Variants in SNTG1 observed in about 807,000 individuals in gnomAD.
SNTG1 encodes the protein gamma-1-syntrophin.
SNTG1 carries 39 observed loss-of-function variants against 74.7 expected under a neutral mutation model. That is an observed-to-expected ratio of 0.52 (90% CI 0.40 to 0.68). SNTG1 has a LOEUF of 0.68. Among genes scored for constraint, SNTG1 ranks in the 30% least tolerant of loss-of-function variants. The pLI, the probability that SNTG1 is intolerant of heterozygous loss-of-function variation, is 0.00. For synonymous variants in SNTG1, 254 were observed against 217.1 expected (o/e 1.17, Z -1.49); for missense variants, 685 against 609.5 (o/e 1.12, Z -1.30).
intron 12 of SNTG1, among the ~76,000 whole-genome samples, chr8:50,564,534 A>G (rs2094505443): frequency 2.0e-5 from 3 of 152,078 alleles, no homozygotes; most frequent in Admixed American, 2.0e-4. Context: ...TGCACGAATT[A>G]CTAAATACTC....
intron 1 of SNTG1, among the ~76,000 whole-genome samples, chr8:50,019,981 G>A (rs981579201): frequency 6.6e-6 from 1 of 152,176 alleles, no homozygotes; most frequent in Middle Eastern, 3.4e-3. Context: ...CACTAAAACA[G>A]ATGGCAATTT....
chr8:49,927,222 A>G (rs904029815), intron 1 of SNTG1, among the ~76,000 whole-genome samples: 4 of 152,200 alleles, frequency 2.6e-5, no homozygotes, highest in African/African-American at 9.6e-5. Context: ...ACATACTCTT[A>G]GCATACAATC....
At position 50,792,674 on chromosome 8, in the gene SNTG1, T is replaced by G; in HGVS notation, c.1399T>G (p.Leu467Val). The change falls in exon 19 of 19, where the codon TTG becomes GTG. Residue 467 changes from leucine to valine, a missense_variant. Leu to Val is a conservative substitution (Grantham distance 32, BLOSUM62 1). Coordinates refer to ENST00000642720, the MANE Select transcript of SNTG1 (RefSeq NM_018967.5). ...CCTGTTTCTCTTTCCCTTTCAGGAG[T>G]TGGAATTTTCTAATTTATTTGCTGT... is the stretch of plus-strand genomic sequence containing the variant. ...PDTKQIEAKE[L>V]EFSNLFAVLH... is the part of the protein sequence containing the mutation. 6.2e-7 allele frequency: 1 copy of G among 1,606,194 alleles called. No homozygotes were observed. The highest frequency in any genetic ancestry group is 1.7e-4 in the Middle Eastern group (1 of 6,012).
intron 1 of SNTG1, among the ~76,000 whole-genome samples, chr8:50,165,748 T>C (rs1187584973): frequency 6.6e-6 from 1 of 152,198 alleles, no homozygotes; most frequent in Non-Finnish European, 1.5e-5. Context: ...AAGATCGAGA[T>C]ATATGTTGAT....
chr8:50,230,372 T>C (rs2085555310), intron 2 of SNTG1, among the ~76,000 whole-genome samples: 1 of 151,152 alleles, frequency 6.6e-6, no homozygotes, highest in Admixed American at 6.6e-5. Flanking sequence ...AGAAGGGACG[T>C]CACTACAGAC....
intron 11 of SNTG1, among the ~76,000 whole-genome samples, chr8:50,537,093 C>T (rs899585632): frequency 6.6e-6 from 1 of 152,052 alleles, no homozygotes; most frequent in African/African-American, 2.4e-5. Context: ...TTGTTTACTT[C>T]TCAAGAATAT....
intron 1 of SNTG1, among the ~76,000 whole-genome samples, chr8:50,094,687 A>ACAT (rs1379028247): frequency 6.6e-6 from 1 of 152,156 alleles, no homozygotes; most frequent in African/African-American, 2.4e-5. Flanking sequence ...AATAACAGAT[A>ACAT]CATGTTGCAG....
At chr8:50,042,066 T>G (rs1818684358) in intron 1 of SNTG1, among the ~76,000 whole-genome samples, 1 of 152,232 alleles carries the variant, frequency 6.6e-6, no homozygotes, top group Admixed American at 6.5e-5. Flanking sequence ...TAAAAAACTG[T>G]GAGTGAAACC....
intron 9 of SNTG1, among the ~76,000 whole-genome samples, chr8:50,512,996 T>A (rs774464153): frequency 6.6e-6 from 1 of 152,206 alleles, no homozygotes; most frequent in Admixed American, 6.5e-5. Flanking sequence ...GTCACTCTGA[T>A]TTTTAGAGTT....
intron 1 of SNTG1, among the ~76,000 whole-genome samples, chr8:50,104,291 A>T (rs954341379): frequency 2.6e-5 from 4 of 152,122 alleles, no homozygotes; most frequent in Non-Finnish European, 4.4e-5. Context: ...TAGTCTTGGG[A>T]GGGTGTATGT....
chr8:50,135,090 T>G (rs988695542), intron 1 of SNTG1, among the ~76,000 whole-genome samples: 1 of 152,146 alleles, frequency 6.6e-6, no homozygotes, highest in African/African-American at 2.4e-5. Flanking sequence ...TTCCCTTTTC[T>G]GCACAGCTGC....
chr8:50,267,721 A>T (rs897701271), intron 2 of SNTG1, among the ~76,000 whole-genome samples: 9 of 152,200 alleles, frequency 5.9e-5, no homozygotes, highest in Non-Finnish European at 1.2e-4. Context: ...GTATCATTTG[A>T]TGCAGAAAGC....
chr8:50,156,354 C>T (rs748951523), intron 1 of SNTG1, among the ~76,000 whole-genome samples: 50 of 151,920 alleles, frequency 3.3e-4, no homozygotes, highest in East Asian at 1.2e-3. Flanking sequence ...GGATCTATAA[C>T]GCTTATGATC....
chr8:50,533,728 G>A (rs2094287342), intron 10 of SNTG1, among the ~76,000 whole-genome samples: 1 of 152,038 alleles, frequency 6.6e-6, no homozygotes, highest in Non-Finnish European at 1.5e-5. Context: ...TAACTGAAGT[G>A]GGACTTATTA....
chr8:50,078,231 C>T (rs1822078711), intron 1 of SNTG1, among the ~76,000 whole-genome samples: 1 of 152,144 alleles, frequency 6.6e-6, no homozygotes, highest in South Asian at 2.1e-4. Flanking sequence ...CTTTTCTTTT[C>T]ATTTCAAAAT....
At chr8:50,184,324 C>A (rs904518072) in intron 2 of SNTG1, among the ~76,000 whole-genome samples, 3 of 152,056 alleles carry the variant, frequency 2.0e-5, no homozygotes, top group African/African-American at 7.2e-5. Flanking sequence ...CACCACCACA[C>A]CTGGCTAGTT....
intron 8 of SNTG1, among the ~76,000 whole-genome samples, chr8:50,494,483 G>A (rs2625739): frequency 0.86 from 130,680 of 151,890 alleles, 56,330 homozygotes; most frequent in Non-Finnish European, 0.89. Flanking sequence ...TAAGAATTAG[G>A]TAAAACTCAG....
chr8:50,638,218 C>A (rs1321804730), intron 13 of SNTG1, among the ~76,000 whole-genome samples: 1 of 151,962 alleles, frequency 6.6e-6, no homozygotes, highest in African/African-American at 2.4e-5. Context: ...GGAATGAAGC[C>A]TACTGATATC....
intron 2 of SNTG1, among the ~76,000 whole-genome samples, chr8:50,390,454 C>A (rs1249916899): frequency 1.3e-5 from 2 of 152,144 alleles, no homozygotes; most frequent in East Asian, 1.9e-4. Context: ...CAGTACCATG[C>A]TGTTTTAGTT....
Sources: allele counts gnomAD v4.1 joint callset (sites outside exome capture counted in the v4.1 genomes callset), GRCh38; gene constraint gnomAD v4.1.1; transcripts MANE v1.5; gene names NCBI Gene and HGNC (gene_info 2026-07-23, HGNC 2026-07-21).